The following COX6C variants were observed in gnomAD, a reference collection of about 807,000 sequenced individuals.
The protein encoded by COX6C is cytochrome c oxidase polypeptide VIc.
COX6C carries 3 observed loss-of-function variants against 6.9 expected under a neutral mutation model. The ratio of observed to expected loss-of-function variants is 0.43; its 90% confidence interval spans 0.20 to 1.12. The LOEUF (loss-of-function observed/expected upper bound fraction) is 1.12, where lower values mean the gene tolerates loss of function less well. COX6C is among the 50% of genes most tolerant of loss of function. The pLI is 0.27. For synonymous variants in COX6C, 32 were observed against 32.0 expected, an observed-to-expected ratio of 1.00 and a Z score of 0.00; for missense variants, 101 against 97.3, an observed-to-expected ratio of 1.04 and a Z score of -0.16.
intron 2 of COX6C, among the ~76,000 whole-genome samples, chr8:99,889,632 C>G (rs1196126924): frequency 6.6e-6 from 1 of 151,578 alleles, no homozygotes; most frequent in African/African-American, 2.4e-5. Flanking sequence ...AGGTGATCTG[C>G]CCGCCTCAGC....
At chr8:99,886,966 G>A (rs1817951267) in intron 3 of COX6C, 1 of 152,360 alleles carries the variant, frequency 6.6e-6, no homozygotes. Context: ...ATTAAAAATG[G>A]TTAAGATGGC....
chr8:99,888,122 TAAAAAAA>T (rs1173548093), intron 2 of COX6C, among the ~76,000 whole-genome samples: 2 of 145,542 alleles, frequency 1.4e-5, no homozygotes, highest in African/African-American at 5.0e-5. Flanking sequence ...AAATAAAAAA[TAAAAAAA>T]AAATAAAAAA....
chr8:99,886,509 T>C (rs548404586), intron 3 of COX6C: 1 of 152,300 alleles, frequency 6.6e-6, no homozygotes, highest in South Asian at 2.1e-4. Context: ...AATTCCACTT[T>C]TGAATATACC....
intron 1 of COX6C, chr8:99,893,121 T>C (rs1818081433): frequency 6.6e-6 from 1 of 152,204 alleles, no homozygotes; most frequent in South Asian, 2.1e-4. Context: ...AGGAAGCCCA[T>C]CCTTCCCCTC....
intron 2 of COX6C, among the ~76,000 whole-genome samples, chr8:99,888,116 A>G (rs1038062984): frequency 6.6e-6 from 1 of 150,524 alleles, no homozygotes; most frequent in Non-Finnish European, 1.5e-5. Context: ...AAAAAAAAAT[A>G]AAAAATAAAA....
intron 3 of COX6C, among the ~76,000 whole-genome samples, chr8:99,880,545 T>C (rs371242272): frequency 2.0e-5 from 3 of 152,014 alleles, no homozygotes; most frequent in African/African-American, 7.2e-5. Flanking sequence ...GAGGAAAGAA[T>C]CAGGAAACTT....
chr8:99,889,561 T>C (rs549828994), intron 2 of COX6C, among the ~76,000 whole-genome samples: 87 of 151,878 alleles, frequency 5.7e-4, no homozygotes, highest in Middle Eastern at 3.4e-3. Flanking sequence ...AATTTTTTTG[T>C]ATTTTTAGTA....
chr8:99,891,950 A>C lies in COX6C; in HGVS notation c.72T>G (p.Ala24=). 6.2e-7 allele frequency: 1 copy of C among 1,614,138 alleles called. No individual in the cohort carries two copies. Among genetic ancestry groups the C allele is most frequent in the Non-Finnish European group, 8.5e-7 (1 of 1,180,016 alleles). The stretch of plus-strand genomic sequence containing the variant: ...CCCCCAGGGATAGCACGAATGCTAC[A>C]GCCATATGATTTCGCAGACGCCTGG... ...LLARRLRNHM[A]VAFVLSLGVA... Residue 24 remains alanine (A), a synonymous_variant, in exon 2 of 4, where the codon GCT becomes GCG. Coordinates refer to ENST00000520468, the MANE Select transcript of COX6C (RefSeq NM_004374.4).
chr8:99,888,353 A>G (rs1817976109), intron 2 of COX6C, among the ~76,000 whole-genome samples: 1 of 152,066 alleles, frequency 6.6e-6, no homozygotes, highest in South Asian at 2.1e-4. Context: ...GGGGCGAATC[A>G]CAAGGTCAGG....
intron 3 of COX6C, among the ~76,000 whole-genome samples, chr8:99,880,944 A>T (rs773568837): frequency 2.0e-5 from 3 of 152,204 alleles, no homozygotes; most frequent in Non-Finnish European, 2.9e-5. Flanking sequence ...TACCAATTAG[A>T]TTTGCCCTAC....
chr8:99,890,638 C>T (rs886579065), intron 2 of COX6C, among the ~76,000 whole-genome samples: 1 of 152,162 alleles, frequency 6.6e-6, no homozygotes, highest in African/African-American at 2.4e-5. Flanking sequence ...CAGTAAAGAA[C>T]ATAAACACTA....
intron 3 of COX6C, among the ~76,000 whole-genome samples, chr8:99,881,264 G>A (rs1014178744): frequency 6.6e-6 from 1 of 151,934 alleles, no homozygotes; most frequent in Non-Finnish European, 1.5e-5. Flanking sequence ...GGAGGCTGAG[G>A]CATGAGAATT....
Position 99,890,918 on chromosome 8 carries a change from T to C in COX6C, c.114+990A>G, listed in dbSNP as rs141666363. Reference sequence around the variant, plus strand: ...ACGTTCCACACTCATGGATTCAAAATAATAAAAAATGCTACAAAATTAAAA... The same window carrying C: ...ACGTTCCACACTCATGGATTCAAAACAATAAAAAATGCTACAAAATTAAAA... On this transcript the variant is annotated intron_variant, in intron 2 of 3. Coordinates refer to ENST00000520468, the MANE Select transcript of COX6C (RefSeq NM_004374.4). Among the ~76,000 whole-genome samples the C allele has an allele frequency of 1.2e-3, 187 of 152,256 alleles. 1 individual carries two copies. The highest frequency in any genetic ancestry group is 4.4e-3 in the African/African-American group (184 of 41,552).
intron 3 of COX6C, among the ~76,000 whole-genome samples, chr8:99,880,733 G>C (rs1213733974): frequency 1.3e-5 from 2 of 149,048 alleles, no homozygotes; most frequent in African/African-American, 4.9e-5. Context: ...AAAGTCTGAA[G>C]AGAAAAAAAA....
chr8:99,889,648 A>G lies in COX6C; in HGVS notation c.115-2030T>C, dbSNP rs142959932. On this transcript the variant is annotated intron_variant, in intron 2 of 3. Coordinates refer to ENST00000520468, the MANE Select transcript of COX6C (RefSeq NM_004374.4). ...GGTGATCTGCCCGCCTCAGCCTCCC[A>G]AAGTGCTGGGATAACTGGCATGAGC... 4.2e-3 allele frequency among the ~76,000 whole-genome samples: 636 copies of G among 151,226 alleles called. 5 individuals carry two copies. Among genetic ancestry groups the G allele is most frequent in the African/African-American group, 0.015 (607 of 41,296 alleles).
intron 3 of COX6C, among the ~76,000 whole-genome samples, chr8:99,881,516 G>A (rs1265072348): frequency 3.3e-5 from 5 of 152,248 alleles, no homozygotes; most frequent in African/African-American, 1.2e-4. Context: ...GGAAAAGAGG[G>A]TGGTGCTGTA....
intron 2 of COX6C, among the ~76,000 whole-genome samples, chr8:99,889,629 C>A (rs1818003913): frequency 6.6e-6 from 1 of 151,596 alleles, no homozygotes; most frequent in Non-Finnish European, 1.5e-5. Context: ...CTCAGGTGAT[C>A]TGCCCGCCTC....
At chr8:99,892,075 A>G (rs1818062867) in intron 1 of COX6C, 23 bp from the exon 2 acceptor site, 1 of 1,384,470 alleles carries the variant, frequency 7.2e-7, no homozygotes, top group Admixed American at 2.1e-5. Flanking sequence ...AGAAAATATG[A>G]TTAAGTACAG....
chr8:99,886,251 G>A (rs1276787894), intron 3 of COX6C: 2 of 152,222 alleles, frequency 1.3e-5, no homozygotes, highest in Non-Finnish European at 2.9e-5. Context: ...TTAGCCAGGT[G>A]TGGTGGCACA....
Sources: gnomAD v4.1 joint callset for allele counts (sites outside exome capture counted in the v4.1 genomes callset) on GRCh38, gnomAD v4.1.1 for gene constraint, MANE v1.5 for transcripts, NCBI Gene and HGNC (gene_info 2026-07-23, HGNC 2026-07-21) for gene names.